Variants in CAMTA1 observed in about 807,000 individuals in gnomAD.
The protein encoded by CAMTA1 is calmodulin binding transcription activator 1.
In CAMTA1, 27 loss-of-function variants were observed where a neutral mutation model predicts 170.9. The ratio of observed to expected loss-of-function variants is 0.16; its 90% confidence interval spans 0.12 to 0.22. The LOEUF is 0.22. Ranked by LOEUF, CAMTA1 falls within the 10% of genes least tolerant of loss-of-function variation. The pLI is 1.00. For synonymous variants in CAMTA1, 833 were observed against 891.5 expected, an observed-to-expected ratio of 0.93 and a Z score of 1.17; for missense variants, 1,619 against 2,217.2, an observed-to-expected ratio of 0.73 and a Z score of 5.42.
At chr1:7,016,444 A>G (rs1412849479) in intron 3 of CAMTA1, among the ~76,000 whole-genome samples, 1 of 152,268 alleles carries the variant, frequency 6.6e-6, no homozygotes, top group African/African-American at 2.4e-5. Flanking sequence ...AATGGACCAC[A>G]ATGGGTAACA....
chr1:7,049,559 C>T (rs1379819387), intron 3 of CAMTA1, among the ~76,000 whole-genome samples: 5 of 152,090 alleles, frequency 3.3e-5, no homozygotes, highest in African/African-American at 7.2e-5. Context: ...CGGGTGCAAG[C>T]GATTCTTCTG....
chr1:7,655,562 A>T (rs1010655385), intron 7 of CAMTA1, among the ~76,000 whole-genome samples: 1 of 149,432 alleles, frequency 6.7e-6, no homozygotes, highest in African/African-American at 2.5e-5. Flanking sequence ...CTATACACAC[A>T]AACACACCCA....
chr1:7,015,762 G>A (rs1700441360), intron 3 of CAMTA1, among the ~76,000 whole-genome samples: 2 of 150,728 alleles, frequency 1.3e-5, no homozygotes, highest in Admixed American at 1.3e-4. Flanking sequence ...CGTGGCTGGG[G>A]AGGCCTCAGG....
At chr1:7,263,016 C>T (rs1056811854) in intron 5 of CAMTA1, among the ~76,000 whole-genome samples, 2 of 152,144 alleles carry the variant, frequency 1.3e-5, no homozygotes, top group Non-Finnish European at 2.9e-5. Flanking sequence ...AGCTCCCCTC[C>T]CAGATTAATG....
intron 3 of CAMTA1, among the ~76,000 whole-genome samples, chr1:6,846,994 A>G (rs1368250697): frequency 2.6e-5 from 4 of 152,012 alleles, no homozygotes; most frequent in Admixed American, 6.6e-5. Flanking sequence ...GCTTGAGCAC[A>G]TGAAGGATGG....
chr1:7,650,024 G>A (rs1020301916), intron 7 of CAMTA1, among the ~76,000 whole-genome samples: 8 of 152,172 alleles, frequency 5.3e-5, no homozygotes, highest in Non-Finnish European at 7.4e-5. Flanking sequence ...TTCCTGCGGC[G>A]CTACCTCCCC....
chr1:7,152,578 G>T (rs1034699096), intron 4 of CAMTA1, among the ~76,000 whole-genome samples: 1 of 152,242 alleles, frequency 6.6e-6, no homozygotes, highest in African/African-American at 2.4e-5. Context: ...CAAGGGCAGA[G>T]ATGTCCAGCC....
At chr1:7,368,114 T>C (rs1028518986) in intron 5 of CAMTA1, among the ~76,000 whole-genome samples, 4 of 149,702 alleles carry the variant, frequency 2.7e-5, no homozygotes, top group Non-Finnish European at 5.9e-5. Context: ...TGGGCACTTA[T>C]GGTTTCATTG....
chr1:7,440,977 C>T (rs1193227), intron 5 of CAMTA1: 38,580 of 152,090 alleles, frequency 0.25, 5,881 homozygotes, highest in South Asian at 0.39. Flanking sequence ...AACTCTGTCT[C>T]CATTTGACTG....
intron 3 of CAMTA1, among the ~76,000 whole-genome samples, chr1:7,039,248 T>TTCC (rs562412358): frequency 8.5e-5 from 13 of 152,144 alleles, no homozygotes; most frequent in South Asian, 2.1e-4. Flanking sequence ...CCCACTTTTC[T>TTCC]TCCTCCTCCT....
intron 3 of CAMTA1, chr1:6,886,385 T>C: frequency 2.3e-6 from 1 of 426,704 alleles, no homozygotes; most frequent in South Asian, 1.7e-5. Context: ...TTCAATTTGT[T>C]GTGCTGATAT....
chr1:6,998,902 A>G (rs1697749006), intron 3 of CAMTA1, among the ~76,000 whole-genome samples: 1 of 152,034 alleles, frequency 6.6e-6, no homozygotes, highest in African/African-American at 2.4e-5. Context: ...ATTTCTTTCT[A>G]CCTTTTTTGT....
At chr1:7,716,810 G>T (rs2096613453) in intron 11 of CAMTA1, among the ~76,000 whole-genome samples, 1 of 152,204 alleles carries the variant, frequency 6.6e-6, no homozygotes, top group Admixed American at 6.5e-5. Flanking sequence ...GTCAGAGAGA[G>T]ATCTGCACTC....
chr1:7,351,879 G>A (rs1341455856), intron 5 of CAMTA1, among the ~76,000 whole-genome samples: 4 of 152,220 alleles, frequency 2.6e-5, no homozygotes, highest in Non-Finnish European at 2.9e-5. Flanking sequence ...CAAATCATGA[G>A]CCTCCGACCA....
intron 22 of CAMTA1, among the ~76,000 whole-genome samples, chr1:7,757,715 G>A (rs545868299): frequency 5.9e-5 from 9 of 152,026 alleles, no homozygotes; most frequent in East Asian, 1.9e-4. Flanking sequence ...CAGCCTGGGC[G>A]ACAGAGCAAG....
chr1:7,526,577 C>A (rs1398211647), intron 6 of CAMTA1, among the ~76,000 whole-genome samples: 1 of 152,208 alleles, frequency 6.6e-6, no homozygotes, highest in East Asian at 1.9e-4. Flanking sequence ...GCGGAGGAGT[C>A]CTGGACAGAA....
intron 4 of CAMTA1, among the ~76,000 whole-genome samples, chr1:7,203,850 G>A (rs1462547427): frequency 7.5e-6 from 1 of 133,688 alleles, no homozygotes; most frequent in Non-Finnish European, 1.6e-5. Flanking sequence ...TTTTTTTTTC[G>A]AGACGGAGTC....
chr1:7,304,263 A>G (rs1675248769), intron 5 of CAMTA1, among the ~76,000 whole-genome samples: 1 of 152,368 alleles, frequency 6.6e-6, no homozygotes, highest in Non-Finnish European at 1.5e-5. Context: ...AAAGACCTCG[A>G]GATGGGAGTT....
chr1:7,186,960 A>G (rs1368566559), intron 4 of CAMTA1, among the ~76,000 whole-genome samples: 3 of 151,956 alleles, frequency 2.0e-5, no homozygotes, highest in African/African-American at 4.8e-5. Flanking sequence ...CTGGTGGGTA[A>G]AATTCAGAGT....
Sources: gnomAD v4.1 joint callset for allele counts (sites outside exome capture counted in the v4.1 genomes callset) on GRCh38, gnomAD v4.1.1 for gene constraint, MANE v1.5 for transcripts, NCBI Gene and HGNC (gene_info 2026-07-23, HGNC 2026-07-21) for gene names.